FHIT: variants seen among roughly 807,000 people sequenced by gnomAD.
The protein encoded by FHIT is fragile histidine triad diadenosine triphosphatase, also known as bis(5'-adenosyl)-triphosphatase.
FHIT carries 19 observed loss-of-function variants against 17.9 expected under a neutral mutation model. That is an observed-to-expected ratio of 1.06 (90% CI 0.74 to 1.56). FHIT has a LOEUF of 1.56. Among genes scored for constraint, FHIT ranks in the 40% most tolerant of loss-of-function variants. The pLI is 0.00. For missense variants in FHIT, 248 were observed against 189.2 expected (o/e 1.31, Z -1.82); for synonymous variants, 81 against 69.7 (o/e 1.16, Z -0.81).
At chr3:60,083,180 A>T (rs1371714655) in intron 5 of FHIT, among the ~76,000 whole-genome samples, 1 of 152,112 alleles carries the variant, frequency 6.6e-6, no homozygotes, top group Non-Finnish European at 1.5e-5. Context: ...TCTTGTGCAT[A>T]TAGTTAGCCA....
At chr3:60,486,533 G>A (rs2033848161) in intron 5 of FHIT, among the ~76,000 whole-genome samples, 1 of 152,094 alleles carries the variant, frequency 6.6e-6, no homozygotes, top group African/African-American at 2.4e-5. Context: ...TGACAGGTTA[G>A]GCAAAGAAAG....
At chr3:59,881,836 T>C (rs1447387086) in intron 8 of FHIT, among the ~76,000 whole-genome samples, 2 of 152,180 alleles carry the variant, frequency 1.3e-5, no homozygotes, top group Admixed American at 6.5e-5. Flanking sequence ...TAAATGCAAA[T>C]TGAAATAAGA....
intron 8 of FHIT, among the ~76,000 whole-genome samples, chr3:59,914,258 T>A (rs536779134): frequency 6.6e-6 from 1 of 152,202 alleles, no homozygotes; most frequent in African/African-American, 2.4e-5. Flanking sequence ...TTACAACGCA[T>A]CTCAATTCAG....
At chr3:60,432,417 G>T (rs1702947763) in intron 5 of FHIT, among the ~76,000 whole-genome samples, 1 of 152,006 alleles carries the variant, frequency 6.6e-6, no homozygotes, top group African/African-American at 2.4e-5. Flanking sequence ...GAGCTCTGAG[G>T]GAACATGCTT....
chr3:60,982,768 A>G (rs1368680334), intron 3 of FHIT, among the ~76,000 whole-genome samples: 1 of 152,126 alleles, frequency 6.6e-6, no homozygotes, highest in Non-Finnish European at 1.5e-5. Flanking sequence ...CCCTTCCATG[A>G]GACTTTAATC....
At chr3:60,448,492 T>A (rs371173081) in intron 5 of FHIT, among the ~76,000 whole-genome samples, 3 of 152,330 alleles carry the variant, frequency 2.0e-5, no homozygotes, top group African/African-American at 7.2e-5. Flanking sequence ...TCTGCTCATC[T>A]TCACAGTAAC....
At chr3:59,829,529 T>G (rs1480775784) in intron 8 of FHIT, among the ~76,000 whole-genome samples, 1 of 152,220 alleles carries the variant, frequency 6.6e-6, no homozygotes, top group Non-Finnish European at 1.5e-5. Context: ...ACTGATAGCA[T>G]GCATGATCTG....
chr3:60,807,983 A>G (rs1701455781), intron 4 of FHIT, among the ~76,000 whole-genome samples: 1 of 152,266 alleles, frequency 6.6e-6, no homozygotes, highest in African/African-American at 2.4e-5. Context: ...GGGACCTCAT[A>G]GGCAGTCCAA....
At chr3:61,243,734 G>A (rs776563882) in intron 1 of FHIT, among the ~76,000 whole-genome samples, 27 of 152,006 alleles carry the variant, frequency 1.8e-4, no homozygotes, top group Non-Finnish European at 3.7e-4. Context: ...CCAGCTATGA[G>A]GAATGAGGCA....
At chr3:60,623,304 A>G (rs1168325351) in intron 4 of FHIT, among the ~76,000 whole-genome samples, 1 of 152,222 alleles carries the variant, frequency 6.6e-6, no homozygotes, top group Non-Finnish European at 1.5e-5. Context: ...ACTGTGCTAC[A>G]TGGCATGCTC....
At chr3:59,973,254 C>T (rs1221319955) in intron 7 of FHIT, among the ~76,000 whole-genome samples, 3 of 152,134 alleles carry the variant, frequency 2.0e-5, no homozygotes, top group African/African-American at 7.2e-5. Flanking sequence ...TTCTGATTCC[C>T]TCTGTTTCTG....
Position 60,643,131 on chromosome 3 carries a change from T to A in FHIT, c.-17-106152A>T, listed in dbSNP as rs147131860. Among the ~76,000 whole-genome samples, 316 of 152,298 alleles carry A rather than the reference T, an allele frequency of 2.1e-3. 1 individual carries two copies. The highest frequency in any genetic ancestry group is 7.2e-3 in the African/African-American group (299 of 41,558). On this transcript the variant is annotated intron_variant, in intron 4 of 9. Transcript: ENST00000492590. ...CTGGCTCATAGTAGGCACCCAACTATTGTCGAATGAATGAGTCTTCACTGC... is the reference window on the plus strand; with the variant it reads ...CTGGCTCATAGTAGGCACCCAACTAATGTCGAATGAATGAGTCTTCACTGC...
intron 3 of FHIT, among the ~76,000 whole-genome samples, chr3:60,895,789 C>A (rs1553761801): frequency 6.8e-6 from 1 of 147,306 alleles, no homozygotes; most frequent in East Asian, 2.1e-4. Context: ...CCATTTCAAG[C>A]TGGTTCCTGT....
At chr3:60,430,407 C>A (rs1576640538) in intron 5 of FHIT, among the ~76,000 whole-genome samples, 1 of 151,964 alleles carries the variant, frequency 6.6e-6, no homozygotes, top group South Asian at 2.1e-4. Context: ...CCTCAAAATT[C>A]TAAATATAGT....
At chr3:60,210,712 C>G (rs932560534) in intron 5 of FHIT, among the ~76,000 whole-genome samples, 2 of 152,074 alleles carry the variant, frequency 1.3e-5, no homozygotes, top group African/African-American at 4.8e-5. Context: ...CATTCCTCAC[C>G]TATCTGACAG....
chr3:60,740,099 A>G (rs2042212744), intron 4 of FHIT, among the ~76,000 whole-genome samples: 1 of 152,226 alleles, frequency 6.6e-6, no homozygotes, highest in Admixed American at 6.5e-5. Context: ...AGAATACTAC[A>G]TGTATCAAAG....
intron 3 of FHIT, among the ~76,000 whole-genome samples, chr3:60,845,614 C>A (rs1553746228): frequency 3.3e-5 from 5 of 152,036 alleles, no homozygotes; most frequent in African/African-American, 9.7e-5. Context: ...CCACATGGGG[C>A]CCCAGAATTT....
chr3:59,924,925 C>T (rs79280155), intron 7 of FHIT, among the ~76,000 whole-genome samples: 2,950 of 152,302 alleles, frequency 0.019, 50 homozygotes, highest in Non-Finnish European at 0.028. Context: ...TGGTTTCTTA[C>T]CTTGCTTCTG....
At chr3:61,119,509 CA>C (rs1489346038) in intron 2 of FHIT, among the ~76,000 whole-genome samples, 2 of 152,176 alleles carry the variant, frequency 1.3e-5, no homozygotes, top group African/African-American at 4.8e-5. Context: ...CCACCGTGCC[CA>C]GCCTGTTATA....
Sources: gnomAD v4.1 joint callset for allele counts (sites outside exome capture counted in the v4.1 genomes callset) on GRCh38, gnomAD v4.1.1 for gene constraint, MANE v1.5 for transcripts, NCBI Gene and HGNC (gene_info 2026-07-23, HGNC 2026-07-21) for gene names.